ADCY8: variants seen among roughly 807,000 people sequenced by gnomAD.
ADCY8 encodes adenylate cyclase 8, also known as adenylate cyclase type 8.
ADCY8 carries 51 observed loss-of-function variants against 119.7 expected under a neutral mutation model. The ratio of observed to expected loss-of-function variants is 0.43; its 90% confidence interval spans 0.34 to 0.54. The LOEUF (loss-of-function observed/expected upper bound fraction) is 0.54. Ranked by LOEUF, ADCY8 falls within the 20% of genes least tolerant of loss-of-function variation. The probability of loss-of-function intolerance (pLI) is 0.03; values close to 1 mark genes in which losing one functional copy is unlikely to be tolerated. For synonymous variants in ADCY8, 665 were observed against 651.0 expected (o/e 1.02, Z -0.33); for missense variants, 1,383 against 1,598.8 (o/e 0.87, Z 2.30).
Position 131,040,272 on chromosome 8 carries a change from G to A in ADCY8, c.62C>T (p.Thr21Met), listed in dbSNP as rs751424465. 1.9e-6 allele frequency: 3 copies of A among 1,564,626 alleles called. No individual in the cohort carries two copies. The highest frequency in any genetic ancestry group is 4.7e-5 in the East Asian group (2 of 42,418). The change falls in exon 1 of 18, where the codon ACG becomes ATG. Residue 21 changes from threonine to methionine, a missense_variant. Coordinates refer to ENST00000286355, the MANE Select transcript of ADCY8 (RefSeq NM_001115.3). ...GSEELYTIHP[T>M]PPAGDGRSAS... The stretch of plus-strand genomic sequence containing the variant: ...GCTCCTGCCGTCGCCGGCCGGGGGC[G>A]TCGGGTGGATGGTGTAGAGTTCCTC...
At chr8:130,953,076 G>GTGGA (rs1821321991) in intron 2 of ADCY8, among the ~76,000 whole-genome samples, 1 of 152,198 alleles carries the variant, frequency 6.6e-6, no homozygotes, top group Non-Finnish European at 1.5e-5. Context: ...TCTTTGTGTT[G>GTGGA]TGGAAACTAG....
At position 130,965,998 on chromosome 8, in the gene ADCY8, G is replaced by A. The variant is rs191761614; in HGVS notation, c.1111-14000C>T. On this transcript the variant is annotated intron_variant, in intron 2 of 17. Coordinates refer to ENST00000286355, the MANE Select transcript of ADCY8 (RefSeq NM_001115.3). ...CCAACACAAGCTTAGTAAAAAAGAA[G>A]TGGCTGTATTTGTCTGGACTCCTTT... 5.3e-5 allele frequency among the ~76,000 whole-genome samples: 8 copies of A among 152,298 alleles called. No homozygotes were observed. In the East Asian group the frequency reaches 5.8e-4, roughly 11 times the overall value.
chr8:130,944,024 T>G (rs535239839), intron 3 of ADCY8, among the ~76,000 whole-genome samples: 1 of 152,290 alleles, frequency 6.6e-6, no homozygotes, highest in South Asian at 2.1e-4. Context: ...CTCACATTAC[T>G]AAAGATTTCA....
At chr8:130,902,263 A>G (rs1359861676) in intron 7 of ADCY8, among the ~76,000 whole-genome samples, 11 of 152,230 alleles carry the variant, frequency 7.2e-5, no homozygotes. Context: ...AGGCAAAAGC[A>G]GCAGAGAGGG....
At chr8:130,806,842 C>A (rs1170015296) in intron 14 of ADCY8, among the ~76,000 whole-genome samples, 1 of 152,064 alleles carries the variant, frequency 6.6e-6, no homozygotes, top group African/African-American at 2.4e-5. Context: ...CACCCGTGAC[C>A]CCTCAGGAAG....
At chr8:130,859,308 C>T (rs1817850801) in intron 9 of ADCY8, among the ~76,000 whole-genome samples, 1 of 152,228 alleles carries the variant, frequency 6.6e-6, no homozygotes, top group African/African-American at 2.4e-5. Context: ...TTCTAACTTT[C>T]TCCCTTCATT....
At chr8:131,001,984 C>A (rs1252760356) in intron 1 of ADCY8, among the ~76,000 whole-genome samples, 1 of 152,154 alleles carries the variant, frequency 6.6e-6, no homozygotes, top group Non-Finnish European at 1.5e-5. Flanking sequence ...TGTAGGAAGT[C>A]CTTATCCTCA....
At chr8:131,028,082 C>A (rs961555149) in intron 1 of ADCY8, among the ~76,000 whole-genome samples, 1 of 152,208 alleles carries the variant, frequency 6.6e-6, no homozygotes, top group African/African-American at 2.4e-5. Context: ...GAATATCTAA[C>A]TGGGTCAGGA....
chr8:130,816,819 A>G (rs1168308989), intron 13 of ADCY8, among the ~76,000 whole-genome samples: 2 of 152,182 alleles, frequency 1.3e-5, no homozygotes, highest in Non-Finnish European at 2.9e-5. Flanking sequence ...AAGGAAGGGA[A>G]TGGTGTGGGA....
intron 4 of ADCY8, among the ~76,000 whole-genome samples, chr8:130,941,815 A>G (rs1199628091): frequency 6.6e-6 from 1 of 152,220 alleles, no homozygotes; most frequent in African/African-American, 2.4e-5. Context: ...ACAAATACAG[A>G]GTAACATCTT....
intron 10 of ADCY8, 143 bp from the exon 11 acceptor site, chr8:130,847,656 C>T (rs1817375853): frequency 1.6e-6 from 1 of 631,492 alleles, no homozygotes; most frequent in Non-Finnish European, 2.8e-6. Flanking sequence ...CTAGAGGGGA[C>T]TTGAAGTCAG....
chr8:130,795,599 C>T (rs984610083), intron 15 of ADCY8, among the ~76,000 whole-genome samples: 5 of 152,198 alleles, frequency 3.3e-5, no homozygotes, highest in Non-Finnish European at 7.3e-5. Context: ...GTAATATCCT[C>T]CAGGTCTCAT....
Position 130,893,657 on chromosome 8 carries a change from G to GGTGTGTGTGTGTGTGTGT in ADCY8, c.1912-8914_1912-8897dup, listed in dbSNP as rs113157821. Among the ~76,000 whole-genome samples the GGTGTGTGTGTGTGTGTGT allele has an allele frequency of 1.3e-5, 2 of 148,896 alleles. 1 individual carries two copies. The highest frequency in any genetic ancestry group is 4.3e-4 in the South Asian group (2 of 4,676). On this transcript the variant is annotated intron_variant, in intron 7 of 17. Transcript: ENST00000286355. ...GGTGTCAATACCATGGGGAGAAGAAGGTGTGTGTGTGTGTGTGTGTGTGTG... is the reference window on the plus strand; with the variant it reads ...GGTGTCAATACCATGGGGAGAAGAAGGTGTGTGTGTGTGTGTGTGTGTGTGTGTGTGTGTGTGTGTGTG...
intron 1 of ADCY8, among the ~76,000 whole-genome samples, chr8:131,028,357 T>A (rs573081275): frequency 6.6e-6 from 1 of 152,190 alleles, no homozygotes; most frequent in Non-Finnish European, 1.5e-5. Context: ...AATATATCTC[T>A]CATAAATAGA....
intron 2 of ADCY8, among the ~76,000 whole-genome samples, chr8:130,958,699 C>G (rs1821509009): frequency 2.0e-5 from 3 of 152,162 alleles, no homozygotes; most frequent in African/African-American, 7.2e-5. Flanking sequence ...GAAACTGCCC[C>G]TATGATTTAG....
intron 4 of ADCY8, among the ~76,000 whole-genome samples, chr8:130,939,608 A>T (rs1271847647): frequency 6.6e-6 from 1 of 152,214 alleles, no homozygotes; most frequent in Admixed American, 6.5e-5. Flanking sequence ...AGAATCTGAC[A>T]TCTGCATTCC....
chr8:130,937,129 G>A lies in ADCY8; in HGVS notation c.1425C>T (p.Arg475=), dbSNP rs773873007. Residue 475 remains arginine, a synonymous_variant, in exon 5 of 18, where the codon CGC becomes CGT. Transcript: ENST00000286355. ...YYCVSGLPEP[R]QDHAHCCVEM... ...CAACACAGCAGTGGGCATGGTCCTG[G>A]CGGGGCTCAGGAAGTCCAGACACGC... is the stretch of plus-strand genomic sequence containing the variant. 7.4e-6 allele frequency: 12 copies of A among 1,613,766 alleles called. No individual in the cohort carries two copies. The highest frequency in any genetic ancestry group is 1.3e-5 in the African/African-American group (1 of 74,874).
At chr8:130,827,995 C>T (rs1816718286) in intron 12 of ADCY8, among the ~76,000 whole-genome samples, 1 of 152,128 alleles carries the variant, frequency 6.6e-6, no homozygotes, top group South Asian at 2.1e-4. Context: ...GAACCGGCTT[C>T]CTTTCAAGGA....
chr8:130,928,383 T>C (rs1462605888), intron 5 of ADCY8, among the ~76,000 whole-genome samples: 1 of 152,220 alleles, frequency 6.6e-6, no homozygotes, highest in African/African-American at 2.4e-5. Context: ...TAACTTTTTC[T>C]TATTGAGTAT....
Sources: allele counts gnomAD v4.1 joint callset (sites outside exome capture counted in the v4.1 genomes callset), GRCh38; gene constraint gnomAD v4.1.1; transcripts MANE v1.5; gene names NCBI Gene and HGNC (gene_info 2026-07-23, HGNC 2026-07-21).